Variants in SPAG9 observed in about 807,000 individuals in gnomAD.
SPAG9 encodes the protein C-Jun-amino-terminal kinase-interacting protein 4.
Under a neutral mutation model 166.5 loss-of-function variants are expected in SPAG9, and 35 were observed. That is an observed-to-expected ratio of 0.21 (90% confidence interval 0.16 to 0.28). The LOEUF is 0.28. SPAG9 is among the 10% of genes least tolerant of loss of function. The pLI is 1.00. For missense variants in SPAG9, 1,235 were observed against 1,603.3 expected (o/e 0.77, Z 3.92); for synonymous variants, 534 against 565.5 (o/e 0.94, Z 0.79).
At chr17:51,053,853 AAGTATATATATAT>A (rs1360551112) in intron 3 of SPAG9, among the ~76,000 whole-genome samples, 35 of 56,154 alleles carry the variant, frequency 6.2e-4, no homozygotes, top group Admixed American at 2.6e-3. Context: ...AAAAAAAAAA[AAGTATATATATAT>A]ATATATATAT....
chr17:51,110,984 C>T lies in SPAG9; in HGVS notation c.303+9370G>A, dbSNP rs181343975. Among the ~76,000 whole-genome samples the T allele has an allele frequency of 1.3e-3, 200 of 151,788 alleles. 1 individual carries two copies. The highest frequency in any genetic ancestry group is 4.6e-3 in the African/African-American group (189 of 41,392). On this transcript the variant is annotated intron_variant, in intron 1 of 29. Coordinates refer to ENST00000262013, the MANE Select transcript of SPAG9 (RefSeq NM_001130528.3). Reference sequence around the variant, plus strand: ...ACAAAAAATTAGCCGGGTGTGGTGGCGGGCGCCTGTAGTCCCAGCTACACG... The same window carrying T: ...ACAAAAAATTAGCCGGGTGTGGTGGTGGGCGCCTGTAGTCCCAGCTACACG...
chr17:51,089,652 A>G (rs1364236757), intron 1 of SPAG9, among the ~76,000 whole-genome samples: 1 of 106,230 alleles, frequency 9.4e-6, no homozygotes, highest in Non-Finnish European at 2.0e-5. Context: ...ATATATATAT[A>G]TATATATATA....
chr17:51,005,279 C>G lies in SPAG9; in HGVS notation c.1425-16G>C, dbSNP rs1333303535. ...TGCCCGAGCTCTAGTGGGGAAAAAA[C>G]AAAACAAAACATGTTATTTGAATTG... On this transcript the variant is annotated splice_polypyrimidine_tract_variant and intron_variant, in intron 11 of 29. Transcript: ENST00000262013. 6.2e-7 allele frequency: 1 copy of G among 1,610,538 alleles called. No individual in the cohort carries two copies. The highest frequency in any genetic ancestry group is 8.5e-7 in the Non-Finnish European group (1 of 1,177,916).
At position 50,966,353 on chromosome 17, in the gene SPAG9, C is replaced by G. The variant is rs372214595; in HGVS notation, c.3885G>C (p.Glu1295Asp). 8 of 1,613,684 alleles carry G rather than the reference C, an allele frequency of 5.0e-6. No homozygotes were observed. The highest frequency in any genetic ancestry group is 6.8e-6 in the Non-Finnish European group (8 of 1,179,666). The change falls in exon 30 of 30, where the codon GAG (glutamate) becomes GAC (aspartate). Residue 1295 changes from glutamate to aspartate, a missense_variant. Glu to Asp is a conservative substitution (Grantham distance 45). Transcript: ENST00000262013. ...TGACAGAAGGTTCAAGTGGAAGATC[C>G]TCTCCAAGAAGTTCTGATTCTCCAC... ...DEGGESELLGEDLPLEPSVTK... is the reference protein window; with the variant it reads ...DEGGESELLGDDLPLEPSVTK...
intron 1 of SPAG9, among the ~76,000 whole-genome samples, chr17:51,089,665 C>CATAT (rs1333449345): frequency 2.3e-5 from 1 of 44,374 alleles, no homozygotes; most frequent in Non-Finnish European, 4.9e-5. Context: ...TATATATATA[C>CATAT]ACATACACAC....
intron 1 of SPAG9, among the ~76,000 whole-genome samples, chr17:51,119,077 T>C (rs867494124): frequency 7.0e-6 from 1 of 143,206 alleles, no homozygotes; most frequent in Non-Finnish European, 1.5e-5. Flanking sequence ...GCAAATTCAA[T>C]AGCATTCCTT....
At chr17:51,099,669 A>C (rs1013511803) in intron 1 of SPAG9, among the ~76,000 whole-genome samples, 2 of 140,788 alleles carry the variant, frequency 1.4e-5, no homozygotes, top group Non-Finnish European at 3.0e-5. Context: ...AACATCTTAC[A>C]TTTCTGACTT....
Position 51,120,600 on chromosome 17 carries a change from C to A in SPAG9, c.57G>T (p.Val19=). 1.9e-6 allele frequency: 3 copies of A among 1,612,952 alleles called. No homozygotes were observed. Among genetic ancestry groups the A allele is most frequent in the Non-Finnish European group, 1.7e-6 (2 of 1,179,618 alleles). ...CCAGGCCGGACACCCGCTCCGACAT[C>A]ACGGCCCCGGAGCCGCCGGGCTCCT... ...YQEEPGGSGA[V]MSERVSGLAG... Residue 19 remains valine, a synonymous_variant, in exon 1 of 30, where the codon GTG becomes GTT. Transcript: ENST00000262013. This position sits in a 1 kb window ranked among gnomAD's most constrained non-coding sequence, Gnocchi z 4.7.
intron 2 of SPAG9, among the ~76,000 whole-genome samples, chr17:51,067,493 T>C (rs930723818): frequency 1.3e-5 from 2 of 152,214 alleles, no homozygotes; most frequent in African/African-American, 4.8e-5. Flanking sequence ...TGCATTCCAT[T>C]TGAAGTGTAT....
At chr17:51,058,992 G>C (rs1454642955) in intron 2 of SPAG9, among the ~76,000 whole-genome samples, 1 of 152,132 alleles carries the variant, frequency 6.6e-6, no homozygotes, top group Non-Finnish European at 1.5e-5. Context: ...AGCACAATCT[G>C]AAAACAATCC....
intron 2 of SPAG9, among the ~76,000 whole-genome samples, chr17:51,066,560 A>AAAAAAAG (rs1555652967): frequency 2.8e-5 from 3 of 107,344 alleles, no homozygotes; most frequent in Non-Finnish European, 5.8e-5. Context: ...GTCTCAAAAA[A>AAAAAAAG]AAAAAAGAAA....
chr17:50,974,495 G>A (rs965501573), intron 28 of SPAG9, among the ~76,000 whole-genome samples: 1 of 152,132 alleles, frequency 6.6e-6, no homozygotes, highest in African/African-American at 2.4e-5. Flanking sequence ...GGCAATCCAC[G>A]ATGATAAAAT....
intron 28 of SPAG9, among the ~76,000 whole-genome samples, chr17:50,971,706 T>C (rs1175229363): frequency 1.3e-5 from 2 of 152,046 alleles, no homozygotes; most frequent in African/African-American, 4.8e-5. Flanking sequence ...ATGATCTGCC[T>C]GCCTCGGCCT....
At chr17:50,979,342 A>T (rs1974420912) in intron 26 of SPAG9, among the ~76,000 whole-genome samples, 1 of 149,894 alleles carries the variant, frequency 6.7e-6, no homozygotes, top group African/African-American at 2.5e-5. Context: ...ACTGCACTCC[A>T]GCCTAGGTGA....
At chr17:51,054,799 T>C (rs1206298652) in intron 3 of SPAG9, among the ~76,000 whole-genome samples, 2 of 152,100 alleles carry the variant, frequency 1.3e-5, no homozygotes, top group African/African-American at 4.8e-5. Context: ...TTCCCTGAGC[T>C]CTATGGTTCA....
intron 21 of SPAG9, 97 bp downstream of exon 21, chr17:50,989,580 C>T (rs918493911): frequency 1.1e-5 from 10 of 929,816 alleles, no homozygotes; most frequent in Non-Finnish European, 1.4e-5. Context: ...CACAGTGACA[C>T]TAATTAGTGG....
chr17:51,060,527 A>G (rs1040534539), intron 2 of SPAG9, among the ~76,000 whole-genome samples: 1 of 143,434 alleles, frequency 7.0e-6, no homozygotes, highest in African/African-American at 2.7e-5. Context: ...AAAAAAAAAA[A>G]GGCAGAAGAA....
intron 10 of SPAG9, 141 bp from the exon 11 acceptor site, chr17:51,006,378 G>A (rs2045219797): frequency 5.3e-6 from 4 of 761,568 alleles, no homozygotes; most frequent in Non-Finnish European, 8.0e-6. Flanking sequence ...GTTGTTTGTA[G>A]ATAAATGCAA....
intron 25 of SPAG9, among the ~76,000 whole-genome samples, chr17:50,980,286 A>G (rs954880598): frequency 1.3e-5 from 2 of 151,432 alleles, no homozygotes; most frequent in African/African-American, 4.9e-5. Context: ...GCTCACTGCA[A>G]CCTCCCCTTC....
Sources: allele counts gnomAD v4.1 joint callset (sites outside exome capture counted in the v4.1 genomes callset), GRCh38; gene constraint gnomAD v4.1.1; non-coding constraint Gnocchi (gnomAD v3.1); transcripts MANE v1.5; gene names NCBI Gene and HGNC (gene_info 2026-07-23, HGNC 2026-07-21).